Variants in ART3 observed in about 807,000 individuals in gnomAD.
ART3 encodes the protein ADP-ribosyltransferase 3 (inactive).
Under a neutral mutation model 48.5 loss-of-function variants are expected in ART3, and 49 were observed. The observed-to-expected ratio is 1.01, with a 90% confidence interval of 0.80 to 1.28. The LOEUF is 1.28. ART3 is among the 50% of genes most tolerant of loss of function. ART3 has a pLI of 0.00. For synonymous variants in ART3, 145 were observed against 157.2 expected (o/e 0.92, Z 0.58); for missense variants, 438 against 454.3 (o/e 0.96, Z 0.33).
chr4:76,037,988 C>T (rs1484202019), intron 1 of ART3, among the ~76,000 whole-genome samples: 2 of 152,068 alleles, frequency 1.3e-5, no homozygotes, highest in Non-Finnish European at 2.9e-5. Context: ...AATTCTTTAA[C>T]AACCATGACT....
chr4:76,067,604 CAT>C (rs1233324245), intron 1 of ART3, among the ~76,000 whole-genome samples: 31 of 152,168 alleles, frequency 2.0e-4, no homozygotes, highest in African/African-American at 7.0e-4. Flanking sequence ...TGTGAGGAAT[CAT>C]GTGCAAAAAG....
intron 1 of ART3, chr4:76,034,920 C>A: frequency 7.5e-7 from 1 of 1,341,266 alleles, no homozygotes. Context: ...AACCAAGGAC[C>A]CCTTAACAGA....
intron 1 of ART3, among the ~76,000 whole-genome samples, chr4:76,057,044 C>T (rs2149471202): frequency 6.6e-6 from 1 of 152,168 alleles, no homozygotes; most frequent in East Asian, 1.9e-4. Flanking sequence ...TATCAAATAT[C>T]CCTCAGTTTG....
At chr4:76,086,978 G>A (rs113287828) in intron 3 of ART3, among the ~76,000 whole-genome samples, 8 of 152,184 alleles carry the variant, frequency 5.3e-5, no homozygotes, top group African/African-American at 1.9e-4. Flanking sequence ...AACTTTATCA[G>A]CATAGCACAG....
chr4:76,076,871 A>G (rs1438305317), intron 2 of ART3, among the ~76,000 whole-genome samples: 2 of 152,156 alleles, frequency 1.3e-5, no homozygotes, highest in Non-Finnish European at 1.5e-5. Flanking sequence ...TAGCTGCCAC[A>G]TTACTTGTGG....
At chr4:76,075,982 G>A (rs1411409218) in intron 2 of ART3, 24 bp downstream of exon 2, 1 of 1,543,986 alleles carries the variant, frequency 6.5e-7, no homozygotes, top group East Asian at 2.3e-5. Flanking sequence ...TGGGAAGCAT[G>A]TGGTCATTGG....
intron 1 of ART3, among the ~76,000 whole-genome samples, chr4:76,067,689 TA>T (rs764641849): frequency 3.9e-5 from 6 of 152,374 alleles, no homozygotes; most frequent in Non-Finnish European, 5.9e-5. Context: ...TCTTGTCAGT[TA>T]AAATTTGGTA....
chr4:76,040,658 G>A (rs972518426), intron 1 of ART3, among the ~76,000 whole-genome samples: 2 of 152,110 alleles, frequency 1.3e-5, no homozygotes, highest in South Asian at 2.1e-4. Flanking sequence ...GGAGGCTGCT[G>A]CTTGTGTATG....
At chr4:76,041,837 G>A (rs537340202) in intron 1 of ART3, among the ~76,000 whole-genome samples, 1 of 152,286 alleles carries the variant, frequency 6.6e-6, no homozygotes, top group African/African-American at 2.4e-5. Flanking sequence ...AGGTTGGAGA[G>A]GCAGATAGAT....
intron 1 of ART3, among the ~76,000 whole-genome samples, chr4:76,051,353 A>T (rs1736067090): frequency 6.6e-6 from 1 of 152,140 alleles, no homozygotes; most frequent in Non-Finnish European, 1.5e-5. Flanking sequence ...TTATAATATT[A>T]TTAAAATACC....
chr4:76,024,457 G>T (rs1733183050), intron 1 of ART3, among the ~76,000 whole-genome samples: 2 of 152,224 alleles, frequency 1.3e-5, no homozygotes, highest in East Asian at 1.9e-4. Context: ...ACTGAAATTG[G>T]CACAATTTTA....
intron 1 of ART3, among the ~76,000 whole-genome samples, chr4:76,054,799 C>T (rs1385743362): frequency 1.3e-5 from 2 of 152,190 alleles, no homozygotes; most frequent in Admixed American, 6.5e-5. Flanking sequence ...ATCCACTGCA[C>T]TCCAGGCTAG....
chr4:76,031,647 TC>T (rs923726979), intron 1 of ART3, among the ~76,000 whole-genome samples: 14 of 152,340 alleles, frequency 9.2e-5, no homozygotes, highest in African/African-American at 3.4e-4. Flanking sequence ...TAATTATGAT[TC>T]CTAAAAATCA....
chr4:76,028,535 A>G (rs1354592439), intron 1 of ART3, among the ~76,000 whole-genome samples: 2 of 152,240 alleles, frequency 1.3e-5, no homozygotes, highest in East Asian at 3.8e-4. Flanking sequence ...TTTCCCGGAA[A>G]CTGTTATGCT....
chr4:76,098,352 C>A (rs1311829600), intron 4 of ART3, among the ~76,000 whole-genome samples: 1 of 152,100 alleles, frequency 6.6e-6, no homozygotes, highest in African/African-American at 2.4e-5. Context: ...TTAAGACATG[C>A]TCTGGGTGGA....
intron 1 of ART3, among the ~76,000 whole-genome samples, chr4:76,052,952 C>G (rs923395717): frequency 2.6e-5 from 4 of 152,082 alleles, no homozygotes; most frequent in African/African-American, 9.7e-5. Context: ...TGGTCTCAAA[C>G]TCCTGGTCTT....
intron 11 of ART3, among the ~76,000 whole-genome samples, chr4:76,110,393 A>T (rs1209610761): frequency 6.6e-6 from 1 of 152,166 alleles, no homozygotes; most frequent in African/African-American, 2.4e-5. Flanking sequence ...ATGCTATTTT[A>T]TATAAGGGAC....
At chr4:76,087,330 G>T (rs112650370) in intron 3 of ART3, among the ~76,000 whole-genome samples, 1 of 152,150 alleles carries the variant, frequency 6.6e-6, no homozygotes, top group African/African-American at 2.4e-5. Context: ...CATTGTACTC[G>T]AGTGTGTTGA....
intron 1 of ART3, among the ~76,000 whole-genome samples, chr4:76,042,335 G>A (rs1391314402): frequency 6.6e-6 from 1 of 152,186 alleles, no homozygotes; most frequent in Non-Finnish European, 1.5e-5. Context: ...ATTCAGTTAA[G>A]TTAGTGAAAA....
Sources: allele counts gnomAD v4.1 joint callset (sites outside exome capture counted in the v4.1 genomes callset), GRCh38; gene constraint gnomAD v4.1.1; transcripts MANE v1.5; gene names NCBI Gene and HGNC (gene_info 2026-07-23, HGNC 2026-07-21).